Variants in ERAP1 observed in about 807,000 individuals in gnomAD.
ERAP1 encodes the protein adipocyte-derived leucine aminopeptidase.
A neutral mutation model predicts 103.7 loss-of-function variants in ERAP1; 86 were observed. The ratio of observed to expected loss-of-function variants is 0.83; its 90% CI spans 0.70 to 0.99. ERAP1 has a LOEUF of 0.99. Ranked by LOEUF, ERAP1 falls within the 50% of genes least tolerant of loss-of-function variation. The pLI is 0.00. For synonymous variants in ERAP1, 398 were observed against 402.4 expected (o/e 0.99, Z 0.13); for missense variants, 1,009 against 1,128.4 (o/e 0.89, Z 1.52).
At chr5:96,834,665 T>C in the ERAP1 span, among the ~76,000 whole-genome samples, 1 of 152,186 alleles carries the variant, frequency 6.6e-6, no homozygotes, top group South Asian at 2.1e-4. Context: ...AAATAAATGG[T>C]AGTGCAATTT....
rs1307806653 is a variant in ERAP1, at chr5:96,781,812, G to T, written c.2328C>A (p.Ala776=). The T allele has an allele frequency of 2.5e-6, 4 of 1,613,808 alleles. No homozygotes were observed. The highest frequency in any genetic ancestry group is 3.4e-6 in the Non-Finnish European group (4 of 1,180,006). ...DVTLAVFAVG[A]QSTEGWDFLY... ...GAAAATCCCAGCCTTCTGTGCTCTG[G>T]GCCCCCACAGCAAACACTGCCAAGG... The change falls in exon 16 of 19, where the codon GCC becomes GCA. Residue 776 remains alanine (A), a synonymous_variant. Transcript: ENST00000443439.
chr5:96,860,152 C>G, the ERAP1 span, among the ~76,000 whole-genome samples: 1 of 152,102 alleles, frequency 6.6e-6, no homozygotes, highest in Non-Finnish European at 1.5e-5. Flanking sequence ...ACCTCTGTCT[C>G]GAGCAATTCT....
At chr5:96,794,603 T>G (rs1032299524) in intron 5 of ERAP1, among the ~76,000 whole-genome samples, 6 of 152,128 alleles carry the variant, frequency 3.9e-5, no homozygotes, top group Non-Finnish European at 8.8e-5. Context: ...CACATATACC[T>G]AAAAAATCAA....
At chr5:96,883,949 AC>A in the ERAP1 span, 1 of 1,546,786 alleles carries the variant, frequency 6.5e-7, no homozygotes, top group African/African-American at 1.4e-5. Context: ...ACTTCCAGAA[AC>A]TTTTAGAAAT....
At chr5:96,907,200 A>C in the ERAP1 span, among the ~76,000 whole-genome samples, 7 of 152,244 alleles carry the variant, frequency 4.6e-5, no homozygotes, top group African/African-American at 1.7e-4. Context: ...TAAGCTAAAC[A>C]AACATTCAGA....
intron 17 of ERAP1, among the ~76,000 whole-genome samples, 199 bp from the exon 18 acceptor site, chr5:96,780,703 C>A (rs1216267367): frequency 6.6e-6 from 1 of 152,050 alleles, no homozygotes; most frequent in African/African-American, 2.4e-5. Flanking sequence ...GTTAAGTATC[C>A]AACAGAAAAT....
intron 13 of ERAP1, 117 bp downstream of exon 13, chr5:96,785,666 TAAAGG>T (rs1775896270): frequency 2.4e-5 from 27 of 1,126,124 alleles, no homozygotes; most frequent in Middle Eastern, 3.9e-4. Context: ...TAGAAGAACT[TAAAGG>T]AAAACACCTT....
rs370949768 is a variant in ERAP1 at position 96,783,106 on chromosome 5, C to T, written c.2230G>A (p.Val744Ile). 2.0e-5 allele frequency: 32 copies of T among 1,614,166 alleles called. No homozygotes were observed. The highest frequency in any genetic ancestry group is 3.3e-5 in the Admixed American group (2 of 60,028). ...CTGAAATAGCCTTCTGCCCTCTGTA[C>T]GCACGGCTGATAGTTGTGCACACAG... is the stretch of plus-strand genomic sequence containing the variant. ...LACVHNYQPC[V>I]QRAEGYFRKW... Residue 744 changes from valine (V) to isoleucine (I), a missense_variant, in exon 15 of 19, where the codon GTA (valine) becomes ATA (isoleucine). Physicochemically the swap from Val to Ile is conservative, Grantham distance 29. This residue lies in a region of ERAP1 where 611 missense variants were observed against 651.7 expected (regional missense o/e 0.94). Transcript: ENST00000443439.
the ERAP1 span, among the ~76,000 whole-genome samples, chr5:96,852,408 G>A: frequency 3.9e-4 from 60 of 152,232 alleles, no homozygotes; most frequent in African/African-American, 1.4e-3. Context: ...GTGGCTTTGG[G>A]CCTCAAAGTA....
At chr5:96,794,171 CTTTTTTTTTTTTTTTTT>C (rs35041937) in intron 5 of ERAP1, among the ~76,000 whole-genome samples, 7 of 68,738 alleles carry the variant, frequency 1.0e-4, no homozygotes, top group South Asian at 6.3e-4. Context: ...CATCTCAGGC[CTTTTTTTTTTTTTTTTT>C]TTTTTTTTTT....
chr5:96,772,610 T>C (rs192964389), downstream of ERAP1: 1 of 152,870 alleles, frequency 6.5e-6, no homozygotes, highest in East Asian at 1.9e-4. Flanking sequence ...ATTAAATGAT[T>C]CACTGCATTT....
At chr5:96,886,884 T>G in the ERAP1 span, 1 of 1,165,222 alleles carries the variant, frequency 8.6e-7, no homozygotes, top group Non-Finnish European at 1.1e-6. Flanking sequence ...TATCAAAGTA[T>G]TATGTTTATA....
chr5:96,835,208 G>A, the ERAP1 span, among the ~76,000 whole-genome samples: 24 of 152,330 alleles, frequency 1.6e-4, no homozygotes, highest in African/African-American at 4.6e-4. Flanking sequence ...GTCCTAGAAG[G>A]CTAAAAGGAT....
chr5:96,830,332 G>A, the ERAP1 span, among the ~76,000 whole-genome samples: 2 of 152,146 alleles, frequency 1.3e-5, no homozygotes, highest in South Asian at 2.1e-4. Context: ...CTTAGGCCTC[G>A]AAATGTCTCT....
the ERAP1 span, chr5:96,902,454 A>C: frequency 2.9e-6 from 2 of 687,480 alleles, no homozygotes; most frequent in Non-Finnish European, 5.0e-6. Context: ...ACAATAAAAG[A>C]TTTATATTTG....
the ERAP1 span, chr5:96,889,196 T>C: frequency 6.2e-7 from 1 of 1,614,194 alleles, no homozygotes; most frequent in Non-Finnish European, 8.5e-7. Flanking sequence ...TGTCCATCTA[T>C]GCATCCCCAG....
chr5:96,855,922 A>G, the ERAP1 span, among the ~76,000 whole-genome samples: 4 of 152,154 alleles, frequency 2.6e-5, no homozygotes, highest in Non-Finnish European at 5.9e-5. Flanking sequence ...TGTTAACTGC[A>G]ATGTTGGGAA....
At chr5:96,860,270 T>C in the ERAP1 span, among the ~76,000 whole-genome samples, 1 of 152,120 alleles carries the variant, frequency 6.6e-6, no homozygotes, top group South Asian at 2.1e-4. Context: ...GCCAGGCTGG[T>C]CTCGAACTCC....
chr5:96,793,587 T>C lies in ERAP1; in HGVS notation c.1075-74A>G, dbSNP rs951637538. On this transcript the variant is annotated intron_variant, in intron 6 of 18. Transcript: ENST00000443439. ...ATTTTAGATGTCCAATATAAGTTTA[T>C]GAATGTTAACATATATTTACAGGAC... The C allele has an allele frequency of 1.6e-5, 20 of 1,246,732 alleles. No homozygotes were observed. The African/African-American group carries it at 2.7e-4, about 17-fold the overall frequency. The allele number at this position is 1,246,732 out of a possible 1,614,324, so 77.2% of individuals were successfully genotyped here.
Sources: gnomAD v4.1 joint callset for allele counts (sites outside exome capture counted in the v4.1 genomes callset) on GRCh38, gnomAD v4.1.1 for gene constraint, gnomAD v4.1.1 regional missense constraint, MANE v1.5 for transcripts, NCBI Gene and HGNC (gene_info 2026-07-23, HGNC 2026-07-21) for gene names.